Variants in DGKD observed in about 807,000 individuals in gnomAD.
DGKD encodes DAG kinase delta.
In DGKD, 68 loss-of-function variants were observed where a neutral mutation model predicts 154.4. The observed-to-expected ratio is 0.44, with a 90% CI of 0.36 to 0.54. The LOEUF (loss-of-function observed/expected upper bound fraction) is 0.54. Ranked by LOEUF, DGKD falls within the 20% of genes least tolerant of loss-of-function variation. DGKD has a pLI of 0.00. For missense variants in DGKD, 1,343 were observed against 1,593.6 expected (o/e 0.84, Z 2.68); for synonymous variants, 693 against 638.0 (o/e 1.09, Z -1.30).
intron 1 of DGKD, among the ~76,000 whole-genome samples, chr2:233,362,454 C>CACCT (rs1701829006): frequency 6.6e-6 from 1 of 152,124 alleles, no homozygotes; most frequent in African/African-American, 2.4e-5. Flanking sequence ...AGTTCAAGAC[C>CACCT]AGCTTGGCCA....
intron 3 of DGKD, among the ~76,000 whole-genome samples, chr2:233,427,240 G>T (rs549980744): frequency 6.6e-6 from 1 of 151,406 alleles, no homozygotes; most frequent in African/African-American, 2.4e-5. Context: ...CTCTGATGCA[G>T]TTCTGCTCCT....
In DGKD at chr2:233,414,670, T is replaced by G. The variant is rs2061914687; in HGVS notation, c.349-19710T>G. On this transcript the variant is annotated intron_variant, in intron 3 of 29. Transcript: ENST00000264057. ...GGACCTTGTCTCTGCGGTCCTGTAC[T>G]TTTGCTTCACAATTAGAAGAATTGA... is the stretch of plus-strand genomic sequence containing the variant. Among the ~76,000 whole-genome samples, 6 of 152,382 alleles carry G rather than the reference T, an allele frequency of 3.9e-5. No homozygotes were observed. The South Asian group carries it at 1.2e-3, about 32-fold the overall frequency.
intron 1 of DGKD, 169 bp from the exon 2 acceptor site, chr2:233,388,088 C>T (rs943665055): frequency 2.9e-5 from 42 of 1,433,218 alleles, no homozygotes; most frequent in Non-Finnish European, 3.6e-5. Flanking sequence ...CCCCCATGCC[C>T]CCGGCAGCGT....
chr2:233,394,952 T>G (rs1575033967), intron 3 of DGKD, among the ~76,000 whole-genome samples: 1 of 152,242 alleles, frequency 6.6e-6, no homozygotes, highest in East Asian at 1.9e-4. Context: ...GTGATCTGTC[T>G]TGGTGTCCTA....
intron 1 of DGKD, among the ~76,000 whole-genome samples, chr2:233,363,615 A>C (rs1315878002): frequency 2.6e-5 from 4 of 152,146 alleles, no homozygotes. Context: ...CATCACATTC[A>C]CTCACCAGTC....
rs139381320 is a variant in DGKD, at chr2:233,436,222, A to G, written c.694-94A>G. On this transcript the variant is annotated intron_variant, in intron 6 of 29. Coordinates refer to ENST00000264057, the MANE Select transcript of DGKD (RefSeq NM_152879.3). ...CAGGGAAGGAGCTTGTTCTGGGAAG[A>G]ATGCCTTGGCTGAGTTCACAACGAG... 1.1e-3 allele frequency: 1,727 copies of G among 1,572,976 alleles called. 10 individuals are homozygous for G. The highest frequency in any genetic ancestry group is 9.6e-3 in the South Asian group (813 of 84,622).
chr2:233,436,212 T>G, intron 6 of DGKD, 104 bp from the exon 7 acceptor site: 1 of 1,559,244 alleles, frequency 6.4e-7, no homozygotes, highest in Non-Finnish European at 8.7e-7. Flanking sequence ...AAGGAGCTTG[T>G]TCTGGGAAGA....
At chr2:233,357,529 C>G (rs1574968331) in intron 1 of DGKD, among the ~76,000 whole-genome samples, 1 of 145,442 alleles carries the variant, frequency 6.9e-6, no homozygotes, top group African/African-American at 2.6e-5. Flanking sequence ...CTTTTTCTTT[C>G]TTTCTTTCTT....
In DGKD at chr2:233,442,813, C is replaced by A. The variant is rs182526140; in HGVS notation, c.1194+818C>A. Among the ~76,000 whole-genome samples the A allele has an allele frequency of 8.5e-5, 13 of 152,276 alleles. No individual in the cohort carries two copies. In the East Asian group the frequency reaches 2.5e-3, roughly 29 times the overall value. On this transcript the variant is annotated intron_variant, in intron 10 of 29. Coordinates refer to ENST00000264057, the MANE Select transcript of DGKD (RefSeq NM_152879.3). ...TAGAGACAGGGTTTCTCCATGTTGG[C>A]CAGGATGGTCTCGATCTCTTGACCT...
chr2:233,405,905 G>A (rs1028650382), intron 3 of DGKD, among the ~76,000 whole-genome samples: 2 of 152,152 alleles, frequency 1.3e-5, no homozygotes, highest in Admixed American at 6.5e-5. Context: ...GTGTATGTTA[G>A]AGTTAGGTTT....
intron 3 of DGKD, among the ~76,000 whole-genome samples, chr2:233,399,918 AC>A (rs1401652697): frequency 6.6e-6 from 1 of 152,114 alleles, no homozygotes; most frequent in East Asian, 1.9e-4. Context: ...TGTTGTTGGT[AC>A]TTTTATTTGT....
rs765611593 is a variant in DGKD, at chr2:233,462,466, A to G, written c.3093+7A>G. 4 of 1,591,330 alleles carry G rather than the reference A, an allele frequency of 2.5e-6. No homozygotes were observed. Among genetic ancestry groups the G allele is most frequent in the East Asian group, 2.3e-5 (1 of 44,312 alleles). ...CAAGCCCAGAACCACAGAGGTAGCT[A>G]TTCTGGCCTTTTCAGTCCTGGCTTC... is the stretch of plus-strand genomic sequence containing the variant. On this transcript the variant is annotated splice_region_variant and intron_variant, in intron 25 of 29. Coordinates refer to ENST00000264057, the MANE Select transcript of DGKD (RefSeq NM_152879.3).
intron 1 of DGKD, among the ~76,000 whole-genome samples, chr2:233,378,509 C>T (rs1418348564): frequency 3.3e-5 from 5 of 152,022 alleles, no homozygotes; most frequent in Admixed American, 6.6e-5. Context: ...CTCAGCCTCC[C>T]GAAGTTCTGG....
At chr2:233,373,192 A>C (rs1312519286) in intron 1 of DGKD, among the ~76,000 whole-genome samples, 1 of 152,226 alleles carries the variant, frequency 6.6e-6, no homozygotes, top group South Asian at 2.1e-4. Context: ...GGAGGTCAGC[A>C]ACAGGGACGG....
At chr2:233,393,605 T>C (rs1410685888) in intron 3 of DGKD, among the ~76,000 whole-genome samples, 1 of 151,844 alleles carries the variant, frequency 6.6e-6, no homozygotes, top group Non-Finnish European at 1.5e-5. Flanking sequence ...TCCAAAGTGC[T>C]GGGATTACAG....
chr2:233,377,750 G>C (rs372341586), intron 1 of DGKD, among the ~76,000 whole-genome samples: 1 of 152,056 alleles, frequency 6.6e-6, no homozygotes, highest in Non-Finnish European at 1.5e-5. Flanking sequence ...TTTTGCAGTC[G>C]TGTTGAGTGC....
At chr2:233,365,676 CAGCTTTCAAA>C (rs1437236412) in intron 1 of DGKD, among the ~76,000 whole-genome samples, 2 of 152,180 alleles carry the variant, frequency 1.3e-5, no homozygotes, top group Admixed American at 1.3e-4. Context: ...CAAGTCTCAA[CAGCTTTCAAA>C]AGAGTTGAAA....
chr2:233,436,292 G>C (rs1427835668), intron 6 of DGKD, 24 bp from the exon 7 acceptor site: 4 of 1,613,878 alleles, frequency 2.5e-6, no homozygotes, highest in Non-Finnish European at 3.4e-6. Flanking sequence ...AGCGTCCCTA[G>C]TGCGTGCCTC....
intron 5 of DGKD, among the ~76,000 whole-genome samples, chr2:233,435,420 T>G (rs1318039796): frequency 1.3e-5 from 2 of 152,200 alleles, no homozygotes; most frequent in African/African-American, 4.8e-5. Context: ...AATTTTTAAA[T>G]GATTGGAAAA....
Sources: allele counts gnomAD v4.1 joint callset (sites outside exome capture counted in the v4.1 genomes callset), GRCh38; gene constraint gnomAD v4.1.1; transcripts MANE v1.5; gene names NCBI Gene and HGNC (gene_info 2026-07-23, HGNC 2026-07-21).